PHF21A: variants seen among roughly 807,000 people sequenced by gnomAD.
PHF21A encodes the protein BHC80a.
PHF21A carries 11 observed loss-of-function variants against 82.5 expected under a neutral mutation model. The ratio of observed to expected loss-of-function variants is 0.13; its 90% CI spans 0.08 to 0.22. PHF21A has a LOEUF of 0.22. PHF21A is among the 10% of genes least tolerant of loss of function. PHF21A has a pLI of 1.00. For missense variants in PHF21A, 579 were observed against 837.8 expected (o/e 0.69, Z 3.81); for synonymous variants, 297 against 302.8 (o/e 0.98, Z 0.20).
intron 1 of PHF21A, among the ~76,000 whole-genome samples, chr11:46,120,187 C>CTT (rs1175408142): frequency 2.1e-5 from 3 of 143,310 alleles, no homozygotes; most frequent in Non-Finnish European, 1.5e-5. Context: ...GCAGCCGCAG[C>CTT]TTTTTTTTTT....
At chr11:45,976,190 A>G (rs1490957154) in intron 7 of PHF21A, among the ~76,000 whole-genome samples, 1 of 151,592 alleles carries the variant, frequency 6.6e-6, no homozygotes, top group Non-Finnish European at 1.5e-5. Flanking sequence ...TGTTCATACT[A>G]CTCTCTATAC....
chr11:46,035,696 ATG>A (rs1175554092), intron 6 of PHF21A, among the ~76,000 whole-genome samples: 1 of 152,180 alleles, frequency 6.6e-6, no homozygotes, highest in Non-Finnish European at 1.5e-5. Context: ...GACTTGAAGG[ATG>A]TGTATGAGCT....
At chr11:46,060,394 TAAGA>T (rs2096519961) in intron 6 of PHF21A, among the ~76,000 whole-genome samples, 1 of 152,052 alleles carries the variant, frequency 6.6e-6, no homozygotes, top group African/African-American at 2.4e-5. Flanking sequence ...CCTACAGCTC[TAAGA>T]AAGAAAAAAA....
chr11:46,087,359 G>A lies in PHF21A; in HGVS notation c.-83-3057C>T, dbSNP rs1319991304. Among the ~76,000 whole-genome samples the A allele has an allele frequency of 2.6e-5, 4 of 152,296 alleles. No homozygotes were observed. In the East Asian group the frequency reaches 5.8e-4, roughly 22 times the overall value. ...CTGCAACTCAAGTTAATGAGGAGCC[G>A]ATGGCTTTTACTTTCTCCATCAGAT... On this transcript the variant is annotated intron_variant, in intron 3 of 18. Transcript: ENST00000676320.
intron 1 of PHF21A, among the ~76,000 whole-genome samples, chr11:46,101,712 C>T (rs996408571): frequency 3.3e-5 from 5 of 152,038 alleles, no homozygotes; most frequent in South Asian, 2.1e-4. Flanking sequence ...ATCACAGCCT[C>T]GCAGCCTCGA....
chr11:46,039,247 T>C (rs1383250828), intron 6 of PHF21A, among the ~76,000 whole-genome samples: 1 of 152,336 alleles, frequency 6.6e-6, no homozygotes, highest in East Asian at 1.9e-4. Context: ...GCATTCGCTG[T>C]TTTAGTATAG....
intron 1 of PHF21A, among the ~76,000 whole-genome samples, chr11:46,101,013 G>A (rs535810137): frequency 9.2e-5 from 14 of 152,274 alleles, no homozygotes; most frequent in Admixed American, 4.6e-4. Context: ...AAGGAAGTGC[G>A]GAACAAGACT....
chr11:45,937,266 G>T (rs1389496392), intron 16 of PHF21A, among the ~76,000 whole-genome samples: 1 of 152,172 alleles, frequency 6.6e-6, no homozygotes, highest in Admixed American at 6.5e-5. Flanking sequence ...CTCTAAAAAA[G>T]ACTTGAGACA....
At chr11:46,113,853 T>C (rs953196611) in intron 1 of PHF21A, among the ~76,000 whole-genome samples, 2 of 151,888 alleles carry the variant, frequency 1.3e-5, no homozygotes, top group Non-Finnish European at 2.9e-5. Context: ...AGTTTAATTG[T>C]TTTAACAGGT....
At chr11:46,024,145 G>A (rs144784888) in intron 6 of PHF21A, among the ~76,000 whole-genome samples, 1 of 152,304 alleles carries the variant, frequency 6.6e-6, no homozygotes, top group East Asian at 1.9e-4. Context: ...TATATGTTGG[G>A]CTAACTGAGT....
chr11:46,018,736 C>CA (rs1349414961), intron 6 of PHF21A, among the ~76,000 whole-genome samples: 1 of 151,656 alleles, frequency 6.6e-6, no homozygotes, highest in Non-Finnish European at 1.5e-5. Flanking sequence ...TTCAAGAAAA[C>CA]AGAGATAGCA....
intron 18 of PHF21A, chr11:45,934,966 T>C (rs897029036): frequency 4.2e-6 from 2 of 477,764 alleles, no homozygotes; most frequent in Non-Finnish European, 3.9e-6. Context: ...AGGCACCACC[T>C]GGTATCCATG....
chr11:45,947,355 A>T (rs1302469900), intron 14 of PHF21A, among the ~76,000 whole-genome samples: 3 of 152,226 alleles, frequency 2.0e-5, no homozygotes, highest in Non-Finnish European at 2.9e-5. Context: ...GCCTATAAGC[A>T]CTGGTAAATG....
chr11:46,023,935 G>A (rs771402560), intron 6 of PHF21A, among the ~76,000 whole-genome samples: 3 of 152,152 alleles, frequency 2.0e-5, no homozygotes, highest in Non-Finnish European at 2.9e-5. Flanking sequence ...CATCCTGGGC[G>A]ACACGGCAAG....
chr11:46,030,806 A>AGT (rs995343173), intron 6 of PHF21A, among the ~76,000 whole-genome samples: 10 of 136,986 alleles, frequency 7.3e-5, no homozygotes, highest in Non-Finnish European at 1.3e-4. Context: ...TAAACCACAT[A>AGT]GTGTGTGTGT....
intron 6 of PHF21A, among the ~76,000 whole-genome samples, chr11:46,019,356 C>T (rs1381255172): frequency 6.6e-6 from 1 of 152,030 alleles, no homozygotes; most frequent in Non-Finnish European, 1.5e-5. Context: ...CACTTGAGAA[C>T]TAATCCAGAA....
chr11:45,961,764 G>A (rs1189239057), intron 10 of PHF21A, among the ~76,000 whole-genome samples: 1 of 152,192 alleles, frequency 6.6e-6, no homozygotes, highest in Non-Finnish European at 1.5e-5. Flanking sequence ...ACCAACAGGT[G>A]TTAGCCCCAT....
intron 6 of PHF21A, among the ~76,000 whole-genome samples, chr11:46,064,643 G>C (rs1158582257): frequency 1.3e-5 from 2 of 151,664 alleles, no homozygotes; most frequent in Non-Finnish European, 2.9e-5. Context: ...AATCTGTTGG[G>C]GAAAAAAAGA....
intron 6 of PHF21A, among the ~76,000 whole-genome samples, chr11:45,996,136 G>T (rs2094899086): frequency 6.6e-6 from 1 of 152,004 alleles, no homozygotes; most frequent in Non-Finnish European, 1.5e-5. Context: ...TAGAGATGAG[G>T]TCTCACTGAA....
Sources: gnomAD v4.1 joint callset for allele counts (sites outside exome capture counted in the v4.1 genomes callset) on GRCh38, gnomAD v4.1.1 for gene constraint, MANE v1.5 for transcripts, NCBI Gene and HGNC (gene_info 2026-07-23, HGNC 2026-07-21) for gene names.